Variants in ERICH5 observed in about 807,000 individuals in gnomAD.
The protein encoded by ERICH5 is glutamate-rich protein 5.
ERICH5 carries 24 observed loss-of-function variants against 28.0 expected under a neutral mutation model. The ratio of observed to expected loss-of-function variants is 0.86; its 90% CI spans 0.62 to 1.21. The LOEUF is 1.21. ERICH5 is among the 50% of genes most tolerant of loss of function. The pLI is 0.00. For missense variants in ERICH5, 421 were observed against 441.2 expected (o/e 0.95, Z 0.41); for synonymous variants, 163 against 157.6 (o/e 1.03, Z -0.25).
At position 98,069,704 on chromosome 8, in the gene ERICH5, A is replaced by G. The variant is rs1362325645; in HGVS notation, c.58+4977A>G. 3.3e-5 allele frequency among the ~76,000 whole-genome samples: 5 copies of G among 152,240 alleles called. No individual in the cohort carries two copies. In the South Asian group the frequency reaches 6.2e-4, roughly 19 times the overall value. On this transcript the variant is annotated intron_variant, in intron 1 of 2. Transcript: ENST00000318528. ...TACATCATTTTGAATGTGTGCAAGT[A>G]TATCTGTAGGACAGTTTCCCAGGAG...
chr8:98,073,921 C>T (rs1449194577), intron 1 of ERICH5, among the ~76,000 whole-genome samples: 1 of 140,460 alleles, frequency 7.1e-6, no homozygotes, highest in South Asian at 2.3e-4. Context: ...CTCTCTTTTT[C>T]TTTTTTTTTT....
At chr8:98,088,314 C>G (rs1177887262) in intron 1 of ERICH5, among the ~76,000 whole-genome samples, 1 of 152,170 alleles carries the variant, frequency 6.6e-6, no homozygotes, top group African/African-American at 2.4e-5. Context: ...CCTCATGCAA[C>G]TCTGAGATCA....
rs78375053 is a variant in ERICH5 at position 98,084,895 on chromosome 8, T to C, written c.59-4181T>C. Among the ~76,000 whole-genome samples the C allele has an allele frequency of 6.6e-3, 999 of 152,190 alleles. 7 individuals carry two copies. The highest frequency in any genetic ancestry group is 0.022 in the African/African-American group (900 of 41,538). On this transcript the variant is annotated intron_variant, in intron 1 of 2. Transcript: ENST00000318528. ...CAGCACAATCAAGATTGTGCCCCTT[T>C]GAAATCTCCCTCCTGTCTACCCAAT...
intron 1 of ERICH5, among the ~76,000 whole-genome samples, chr8:98,069,342 T>C (rs945663287): frequency 6.6e-6 from 1 of 151,960 alleles, no homozygotes; most frequent in African/African-American, 2.4e-5. Context: ...ATCTATTTAG[T>C]TCGAATCACA....
At chr8:98,087,613 C>A (rs747639179) in intron 1 of ERICH5, among the ~76,000 whole-genome samples, 3 of 143,344 alleles carry the variant, frequency 2.1e-5, no homozygotes, top group Non-Finnish European at 3.1e-5. Context: ...CCCCCTTTTG[C>A]CCTCCCTCCC....
intron 1 of ERICH5, among the ~76,000 whole-genome samples, chr8:98,087,080 C>T (rs372089237): frequency 8.5e-5 from 13 of 152,120 alleles, no homozygotes; most frequent in East Asian, 1.9e-4. Flanking sequence ...TGGTGGCTTA[C>T]GCCTATAATC....
intron 2 of ERICH5, among the ~76,000 whole-genome samples, chr8:98,091,898 TTC>T (rs1169459268): frequency 6.4e-4 from 31 of 48,152 alleles, no homozygotes; most frequent in African/African-American, 2.3e-3. Flanking sequence ...CTTTCTTTCT[TTC>T]CTTTCTTTCT....
At position 98,089,753 on chromosome 8, in the gene ERICH5, C is replaced by A. The variant is rs201678120; in HGVS notation, c.736C>A (p.Gln246Lys). Residue 246 changes from glutamine (Q) to lysine (K), a missense_variant, in exon 2 of 3, where the codon CAG (glutamine) becomes AAG (lysine). Coordinates refer to ENST00000318528, the MANE Select transcript of ERICH5 (RefSeq NM_173549.3). ...FVETAEEQQLQATLGKEEQPQ... is the reference protein window; with the variant it reads ...FVETAEEQQLKATLGKEEQPQ... ...GGAAACAGCTGAAGAGCAGCAACTT[C>A]AGGCAACATTGGGAAAAGAGGAGCA... The A allele has an allele frequency of 6.2e-7, 1 of 1,614,044 alleles. No homozygotes were observed. Among genetic ancestry groups the A allele is most frequent in the African/African-American group, 1.3e-5 (1 of 74,934 alleles).
chr8:98,082,373 C>T (rs773890802), intron 1 of ERICH5, among the ~76,000 whole-genome samples: 18 of 152,054 alleles, frequency 1.2e-4, no homozygotes, highest in Admixed American at 3.3e-4. Context: ...TGGCTGGGCA[C>T]GGTGGCTCCT....
chr8:98,081,246 C>T (rs532162392), intron 1 of ERICH5, among the ~76,000 whole-genome samples: 3 of 150,618 alleles, frequency 2.0e-5, no homozygotes, highest in South Asian at 2.1e-4. Context: ...GCTGGAACTA[C>T]AGGCCTGCAC....
chr8:98,092,385 A>G (rs994010534), intron 2 of ERICH5, among the ~76,000 whole-genome samples: 1 of 152,096 alleles, frequency 6.6e-6, no homozygotes, highest in Non-Finnish European at 1.5e-5. Flanking sequence ...CCGGTCTCAG[A>G]CCCTAGGCTC....
At chr8:98,072,992 A>T (rs1295506035) in intron 1 of ERICH5, among the ~76,000 whole-genome samples, 1 of 152,052 alleles carries the variant, frequency 6.6e-6, no homozygotes, top group African/African-American at 2.4e-5. Context: ...AAGGTATAGC[A>T]CCTGTAGACT....
intron 2 of ERICH5, among the ~76,000 whole-genome samples, chr8:98,092,110 T>C (rs1039726756): frequency 6.6e-6 from 1 of 150,660 alleles, no homozygotes; most frequent in Non-Finnish European, 1.5e-5. Flanking sequence ...GGGATCCTCT[T>C]GCCCCAGCTC....
chr8:98,089,041 T>G, intron 1 of ERICH5, 35 bp from the exon 2 acceptor site: 2 of 1,486,990 alleles, frequency 1.3e-6, no homozygotes, highest in South Asian at 1.3e-5. Flanking sequence ...TTGTGTTTTC[T>G]CTTTTCTTTT....
At chr8:98,072,076 C>T (rs1345548827) in intron 1 of ERICH5, among the ~76,000 whole-genome samples, 2 of 151,922 alleles carry the variant, frequency 1.3e-5, no homozygotes, top group African/African-American at 4.8e-5. Context: ...GCAGCTAAAA[C>T]CCCCTAGGAA....
chr8:98,085,568 A>G (rs1045938934), intron 1 of ERICH5, among the ~76,000 whole-genome samples: 1 of 152,166 alleles, frequency 6.6e-6, no homozygotes, highest in South Asian at 2.1e-4. Context: ...GTATAAATGT[A>G]TGGACATGTG....
intron 1 of ERICH5, among the ~76,000 whole-genome samples, chr8:98,079,697 C>G (rs1192437906): frequency 6.6e-6 from 1 of 152,100 alleles, no homozygotes; most frequent in Non-Finnish European, 1.5e-5. Context: ...CCACCACCAG[C>G]CCGGCTAATT....
At chr8:98,080,655 T>TCTC (rs1285675289) in intron 1 of ERICH5, among the ~76,000 whole-genome samples, 1 of 150,152 alleles carries the variant, frequency 6.7e-6, no homozygotes, top group Non-Finnish European at 1.5e-5. Flanking sequence ...TCCTTCTTCT[T>TCTC]CTCCTCCTTC....
chr8:98,068,348 A>G (rs1814854701), intron 1 of ERICH5, among the ~76,000 whole-genome samples: 1 of 152,204 alleles, frequency 6.6e-6, no homozygotes, highest in Admixed American at 6.5e-5. Flanking sequence ...AACAGAGGTG[A>G]AGACTCTGAT....
Sources: allele counts gnomAD v4.1 joint callset (sites outside exome capture counted in the v4.1 genomes callset), GRCh38; gene constraint gnomAD v4.1.1; transcripts MANE v1.5; gene names NCBI Gene and HGNC (gene_info 2026-07-23, HGNC 2026-07-21).